CACNA1A: variants seen among roughly 807,000 people sequenced by gnomAD.
CACNA1A encodes the protein calcium voltage-gated channel subunit alpha1 A, also known as voltage-dependent P/Q-type calcium channel subunit alpha-1A.
In CACNA1A, 57 loss-of-function variants were observed where a neutral mutation model predicts 262.4. That is an observed-to-expected ratio of 0.22 (90% CI 0.18 to 0.27). The LOEUF is 0.27. Among genes scored for constraint, CACNA1A ranks in the 10% least tolerant of loss-of-function variants. The pLI, the probability that CACNA1A is intolerant of heterozygous loss-of-function variation, is 1.00. For synonymous variants in CACNA1A, 1,431 were observed against 1,419.3 expected (o/e 1.01, Z -0.18); for missense variants, 2,526 against 3,562.8 (o/e 0.71, Z 7.41).
intron 44 of CACNA1A, among the ~76,000 whole-genome samples, chr19:13,209,986 G>A (rs1016997493): frequency 6.6e-6 from 1 of 152,050 alleles, no homozygotes; most frequent in African/African-American, 2.4e-5. Flanking sequence ...GCCCGGCATG[G>A]CAGCTTTGGG....
intron 3 of CACNA1A, among the ~76,000 whole-genome samples, chr19:13,376,579 A>G (rs2059408068): frequency 6.7e-6 from 1 of 148,902 alleles, no homozygotes; most frequent in African/African-American, 2.4e-5. Flanking sequence ...TATGTTATAT[A>G]TAACATATGA....
Position 13,299,048 on chromosome 19 carries a change from G to T in CACNA1A, c.2585C>A (p.Ala862Asp). 1 of 1,602,164 alleles carries T rather than the reference G, an allele frequency of 6.2e-7. No individual in the cohort carries two copies. ...GTCCCGGGCCCGATCGTGGTAGCGG[G>T]CCTGTTTCCTGAGGAAGTCCTCGGC... ...QRAEDFLRKQ[A>D]RYHDRARDPS... is the part of the protein sequence containing the mutation. The change falls in exon 19 of 47, where the codon GCC (alanine) becomes GAC (aspartate). Residue 862 changes from alanine (A) to aspartate (D), a missense_variant. Around this residue, in one of 17 missense-constraint regions of CACNA1A, gnomAD observed 765 missense variants for 748.6 expected, o/e 1.02. Coordinates refer to ENST00000360228, the MANE Select transcript of CACNA1A (RefSeq NM_001127222.2).
intron 3 of CACNA1A, among the ~76,000 whole-genome samples, chr19:13,398,578 G>GAA (rs2059847353): frequency 6.6e-6 from 1 of 152,190 alleles, no homozygotes; most frequent in South Asian, 2.1e-4. Flanking sequence ...CAGCTGACTG[G>GAA]AAAGCAGAGA....
intron 1 of CACNA1A, among the ~76,000 whole-genome samples, chr19:13,462,865 T>G (rs901806523): frequency 6.6e-6 from 1 of 152,162 alleles, no homozygotes; most frequent in African/African-American, 2.4e-5. Context: ...GCTCAAGCGA[T>G]CCACCCACTT....
At position 13,298,744 on chromosome 19, in the gene CACNA1A, C is replaced by G; in HGVS notation, c.2889G>C (p.Arg963Ser). Residue 963 changes from arginine to serine, a missense_variant, in exon 19 of 47, where the codon AGG becomes AGC. Physicochemically the swap from Arg to Ser is moderately radical, Grantham distance 110. Around this residue, in one of 17 missense-constraint regions of CACNA1A, gnomAD observed 765 missense variants for 748.6 expected, o/e 1.02. Coordinates refer to ENST00000360228, the MANE Select transcript of CACNA1A (RefSeq NM_001127222.2). ...TGTCCTCCGGACCCTCCTCCCCGGG[C>G]CTGCGGTGCGCGCGATGACGTCGAT... Reference protein sequence around the residue: ...GEHRRHRAHRRPGEEGPEDKA... With the variant: ...GEHRRHRAHRSPGEEGPEDKA... 6.6e-7 allele frequency: 1 copy of G among 1,509,026 alleles called. No individual in the cohort carries two copies. The highest frequency in any genetic ancestry group is 8.8e-7 in the Non-Finnish European group (1 of 1,135,088). 93.5% of individuals were successfully genotyped at this position (1,509,026 alleles called of 1,614,324 possible). A position where few individuals can be genotyped will look rare whatever the true frequency, so the allele number is the denominator to read the frequency against.
intron 1 of CACNA1A, among the ~76,000 whole-genome samples, chr19:13,490,692 G>GGAAAGAAAGAAA (rs56868654): frequency 2.4e-3 from 325 of 132,692 alleles, no homozygotes; most frequent in Middle Eastern, 3.8e-3. Flanking sequence ...GAGAAAGAAA[G>GGAAAGAAAGAAA]GAAAGAAAGA....
chr19:13,502,157 TAA>T lies in CACNA1A; in HGVS notation c.293+3773_293+3774del, dbSNP rs57962801. The stretch of plus-strand genomic sequence containing the variant: ...AAGTTTCTCTTTAGAGAGCTTTTCT[TAA>T]AAAAAAAAAAAAAAAAAAAAATGAG... On this transcript the variant is annotated intron_variant, in intron 1 of 46. Coordinates refer to ENST00000360228, the MANE Select transcript of CACNA1A (RefSeq NM_001127222.2). 2.5e-3 allele frequency among the ~76,000 whole-genome samples: 346 copies of T among 138,058 alleles called. 4 individuals are homozygous for T. In the East Asian group the frequency reaches 0.028, roughly 11 times the overall value. The allele number at this position is 138,058 out of a possible 152,430, so 90.6% of individuals were successfully genotyped here. A position where few individuals can be genotyped will look rare whatever the true frequency, so the allele number is the denominator to read the frequency against.
chr19:13,477,416 T>C (rs1978680783), intron 1 of CACNA1A, among the ~76,000 whole-genome samples: 1 of 152,240 alleles, frequency 6.6e-6, no homozygotes, highest in South Asian at 2.1e-4. Flanking sequence ...TTCCTGTGTC[T>C]TGAAGAGTGC....
At position 13,231,831 on chromosome 19, in the gene CACNA1A, A is replaced by T; in HGVS notation, c.5279T>A (p.Ile1760Asn). ...TTTCCCGCTGAGGCAGGAAAGCATG[A>T]TGTTGTGCCAAGCTTCCCCGGTGGC... ...RSATGEAWHN[I>N]MLSCLSGKPC... The change falls in exon 35 of 47, where the codon ATC (isoleucine) becomes AAC (asparagine). Residue 1760 changes from isoleucine to asparagine, a missense_variant. This residue lies in a region of CACNA1A where 39 missense variants were observed against 124.9 expected (regional missense o/e 0.31). Coordinates refer to ENST00000360228, the MANE Select transcript of CACNA1A (RefSeq NM_001127222.2). 6.2e-7 allele frequency: 1 copy of T among 1,613,730 alleles called. No individual in the cohort carries two copies. Among genetic ancestry groups the T allele is most frequent in the Non-Finnish European group, 8.5e-7 (1 of 1,179,684 alleles).
At chr19:13,346,349 T>A (rs557069610) in intron 6 of CACNA1A, among the ~76,000 whole-genome samples, 1 of 151,816 alleles carries the variant, frequency 6.6e-6, no homozygotes, top group African/African-American at 2.4e-5. Flanking sequence ...TCCATCTACC[T>A]CGGCTGCTGT....
At chr19:13,456,862 A>C (rs905305309) in intron 1 of CACNA1A, among the ~76,000 whole-genome samples, 1 of 152,240 alleles carries the variant, frequency 6.6e-6, no homozygotes, top group Non-Finnish European at 1.5e-5. Context: ...CTTCACATCC[A>C]CTAGGATAGC....
At chr19:13,426,052 T>G (rs925840606) in intron 3 of CACNA1A, among the ~76,000 whole-genome samples, 1 of 151,158 alleles carries the variant, frequency 6.6e-6, no homozygotes, top group Non-Finnish European at 1.5e-5. Context: ...AGCGAGACTC[T>G]GTCTCAAAAC....
intron 38 of CACNA1A, among the ~76,000 whole-genome samples, chr19:13,221,808 G>A (rs538769925): frequency 5.3e-5 from 8 of 152,152 alleles, no homozygotes; most frequent in Non-Finnish European, 1.5e-5. Context: ...ACACTGCCCT[G>A]GTCTCTGCCC....
At chr19:13,247,265 G>A (rs187689024) in intron 30 of CACNA1A, among the ~76,000 whole-genome samples, 4 of 152,368 alleles carry the variant, frequency 2.6e-5, no homozygotes, top group Admixed American at 6.5e-5. Context: ...TAGGCGAAGT[G>A]CCTGGGGCCT....
intron 1 of CACNA1A, among the ~76,000 whole-genome samples, chr19:13,470,921 C>T (rs1028395526): frequency 6.6e-6 from 1 of 152,186 alleles, no homozygotes; most frequent in African/African-American, 2.4e-5. Flanking sequence ...CAAATTGCCA[C>T]AGATTGGGTG....
In CACNA1A at chr19:13,241,123, G is replaced by A. The variant is rs1208995456; in HGVS notation, c.4950+4059C>T. ...AGTTGGCAGCTTTCCTGGGGCCTGG[G>A]GTCCATGGAGCTGAATGGGGGACAG... On this transcript the variant is annotated intron_variant, in intron 31 of 46. Coordinates refer to ENST00000360228, the MANE Select transcript of CACNA1A (RefSeq NM_001127222.2). The surrounding 1 kb of genome is among the most constrained non-coding windows in gnomAD (Gnocchi z 4.0). Among the ~76,000 whole-genome samples, 2 of 152,172 alleles carry A rather than the reference G, an allele frequency of 1.3e-5. No individual in the cohort carries two copies. The highest frequency in any genetic ancestry group is 2.9e-5 in the Non-Finnish European group (2 of 68,030).
chr19:13,307,528 C>T (rs889118366), intron 15 of CACNA1A: 2 of 442,690 alleles, frequency 4.5e-6, no homozygotes, highest in African/African-American at 2.0e-5. Flanking sequence ...GCCACCGTAC[C>T]TGGCCAAAGT....
chr19:13,399,531 C>T (rs1244259788), intron 3 of CACNA1A, among the ~76,000 whole-genome samples: 1 of 152,014 alleles, frequency 6.6e-6, no homozygotes, highest in African/African-American at 2.4e-5. Context: ...AAAAAAGTTC[C>T]CAAATCGCTA....
At position 13,214,206 on chromosome 19, in the gene CACNA1A, A is replaced by G. The variant is rs1353946872; in HGVS notation, c.5940+27T>C. 1.9e-6 allele frequency: 3 copies of G among 1,576,422 alleles called. No homozygotes were observed. The highest frequency in any genetic ancestry group is 2.3e-5 in the South Asian group (2 of 88,856). On this transcript the variant is annotated intron_variant, in intron 40 of 46. Coordinates refer to ENST00000360228, the MANE Select transcript of CACNA1A (RefSeq NM_001127222.2). This position sits in a 1 kb window ranked among gnomAD's most constrained non-coding sequence, Gnocchi z 4.1. ...ATGCAAGCCACTGTCCCCAGCCCAG[A>G]TGTCCCCAGAGCGGCGAACAGCGCA... is the stretch of plus-strand genomic sequence containing the variant.
Sources: allele counts gnomAD v4.1 joint callset (sites outside exome capture counted in the v4.1 genomes callset), GRCh38; gene constraint gnomAD v4.1.1; regional missense constraint gnomAD v4.1.1; non-coding constraint Gnocchi (gnomAD v3.1); transcripts MANE v1.5; gene names NCBI Gene and HGNC (gene_info 2026-07-23, HGNC 2026-07-21).